The following MMP16 variants were observed in gnomAD, a reference collection of about 807,000 sequenced individuals.
MMP16 encodes matrix metallopeptidase 16.
In MMP16, 12 loss-of-function variants were observed where a neutral mutation model predicts 67.8. The ratio of observed to expected loss-of-function variants is 0.18; its 90% confidence interval spans 0.11 to 0.29. The LOEUF (loss-of-function observed/expected upper bound fraction) is 0.29, where lower values mean the gene tolerates loss of function less well. Among genes scored for constraint, MMP16 ranks in the 10% least tolerant of loss-of-function variants. The pLI, the probability that MMP16 is intolerant of heterozygous loss-of-function variation, is 1.00. For synonymous variants in MMP16, 249 were observed against 255.9 expected, an observed-to-expected ratio of 0.97 and a Z score of 0.26; for missense variants, 475 against 765.7, an observed-to-expected ratio of 0.62 and a Z score of 4.48.
chr8:88,291,565 G>T (rs1179395495), intron 1 of MMP16, among the ~76,000 whole-genome samples: 16 of 152,122 alleles, frequency 1.1e-4, no homozygotes, highest in Admixed American at 1.0e-3. Flanking sequence ...AGTAAACTCA[G>T]TGTCTTCAAG....
intron 5 of MMP16, 87 bp from the exon 6 acceptor site, chr8:88,116,805 C>T: frequency 8.6e-7 from 1 of 1,166,808 alleles, no homozygotes; most frequent in Non-Finnish European, 1.3e-6. Context: ...CACTTATCAG[C>T]AGAAGGCACA....
At chr8:88,077,708 C>T (rs1393983506) in intron 6 of MMP16, among the ~76,000 whole-genome samples, 1 of 152,086 alleles carries the variant, frequency 6.6e-6, no homozygotes, top group Non-Finnish European at 1.5e-5. Flanking sequence ...AAGTAATGAT[C>T]CTTTAGAAGA....
intron 1 of MMP16, among the ~76,000 whole-genome samples, chr8:88,228,272 T>C (rs568286255): frequency 6.6e-6 from 1 of 152,092 alleles, no homozygotes; most frequent in African/African-American, 2.4e-5. Flanking sequence ...GAGATTATTA[T>C]AAGAAAATAA....
intron 6 of MMP16, among the ~76,000 whole-genome samples, chr8:88,113,036 T>C (rs1290006441): frequency 2.0e-5 from 3 of 151,842 alleles, no homozygotes; most frequent in Non-Finnish European, 4.4e-5. Context: ...TTAGGCTGAC[T>C]ATCATCGTAT....
intron 1 of MMP16, among the ~76,000 whole-genome samples, chr8:88,323,603 C>A (rs989707195): frequency 6.6e-6 from 1 of 151,968 alleles, no homozygotes; most frequent in Non-Finnish European, 1.5e-5. Context: ...TATTTTACCA[C>A]TAAATCAGCT....
chr8:88,209,278 C>T (rs1031498876), intron 1 of MMP16, among the ~76,000 whole-genome samples: 6 of 152,092 alleles, frequency 3.9e-5, no homozygotes, highest in Middle Eastern at 3.2e-3. Flanking sequence ...CTTCCTCCTC[C>T]TCCACATACT....
chr8:88,286,593 T>A (rs1048769369), intron 1 of MMP16, among the ~76,000 whole-genome samples: 1 of 143,576 alleles, frequency 7.0e-6, no homozygotes, highest in Non-Finnish European at 1.5e-5. Context: ...TTTTTTTTTT[T>A]AAGATGGAGT....
intron 9 of MMP16, among the ~76,000 whole-genome samples, chr8:88,045,084 A>G (rs748266713): frequency 2.0e-5 from 3 of 151,906 alleles, no homozygotes; most frequent in African/African-American, 4.8e-5. Flanking sequence ...TGGTCTTTTA[A>G]TTTTCTGAGC....
At chr8:88,264,658 T>G (rs1210043203) in intron 1 of MMP16, among the ~76,000 whole-genome samples, 1 of 152,304 alleles carries the variant, frequency 6.6e-6, no homozygotes, top group African/African-American at 2.4e-5. Context: ...AAATGATCAT[T>G]TGAAATATGA....
At chr8:88,257,729 G>C (rs1810325504) in intron 1 of MMP16, among the ~76,000 whole-genome samples, 1 of 152,128 alleles carries the variant, frequency 6.6e-6, no homozygotes, top group South Asian at 2.1e-4. Context: ...CTGACTAAAT[G>C]AACAAATATC....
rs1003885850 is a variant in MMP16, at chr8:88,092,085, G to A, written c.1084-17342C>T. ...AAATGTTGAGTGACATAATTCTAAG[G>A]CATTAGTGTTTCTAGAGTCAGTCTT... On this transcript the variant is annotated intron_variant, in intron 6 of 9. Coordinates refer to ENST00000286614, the MANE Select transcript of MMP16 (RefSeq NM_005941.5). 3.3e-5 allele frequency among the ~76,000 whole-genome samples: 5 copies of A among 151,830 alleles called. 1 individual carries two copies. The South Asian group carries it at 8.3e-4, about 25-fold the overall frequency.
intron 1 of MMP16, among the ~76,000 whole-genome samples, chr8:88,209,166 T>C (rs1809475597): frequency 6.6e-6 from 1 of 151,922 alleles, no homozygotes; most frequent in Non-Finnish European, 1.5e-5. Flanking sequence ...AATTAAAAAA[T>C]GTATTTCTGT....
intron 4 of MMP16, among the ~76,000 whole-genome samples, chr8:88,130,556 A>G (rs1283074983): frequency 1.3e-5 from 2 of 151,756 alleles, no homozygotes; most frequent in Non-Finnish European, 2.9e-5. Flanking sequence ...TCATATTTAA[A>G]TTATTTCAGT....
At chr8:88,247,975 T>C (rs1317627439) in intron 1 of MMP16, among the ~76,000 whole-genome samples, 1 of 151,958 alleles carries the variant, frequency 6.6e-6, no homozygotes, top group Non-Finnish European at 1.5e-5. Flanking sequence ...CCAGACCAAG[T>C]GAATTTGAAT....
At chr8:88,304,236 A>G (rs868647106) in intron 1 of MMP16, among the ~76,000 whole-genome samples, 3 of 152,214 alleles carry the variant, frequency 2.0e-5, no homozygotes, top group Admixed American at 2.0e-4. Context: ...ATAGGCAGAC[A>G]AGAAGAGAGA....
chr8:88,265,154 G>A (rs1415026629), intron 1 of MMP16, among the ~76,000 whole-genome samples: 1 of 147,648 alleles, frequency 6.8e-6, no homozygotes, highest in Non-Finnish European at 1.5e-5. Context: ...ATGCACCTGA[G>A]TATTGATTCT....
intron 1 of MMP16, among the ~76,000 whole-genome samples, chr8:88,311,603 T>C (rs1464376423): frequency 6.6e-6 from 1 of 152,198 alleles, no homozygotes. Flanking sequence ...TTATGACATG[T>C]CATTTTTAAT....
intron 4 of MMP16, among the ~76,000 whole-genome samples, chr8:88,121,373 T>A (rs1367353915): frequency 2.6e-5 from 4 of 151,992 alleles, no homozygotes; most frequent in Non-Finnish European, 5.9e-5. Flanking sequence ...TAATTACCAT[T>A]CTTCAGATGA....
chr8:88,088,712 G>C, intron 6 of MMP16, among the ~76,000 whole-genome samples: 1 of 152,154 alleles, frequency 6.6e-6, no homozygotes, highest in Non-Finnish European at 1.5e-5. Flanking sequence ...TAAATAAAGA[G>C]TTCAAAAGGT....
Sources: allele counts gnomAD v4.1 joint callset (sites outside exome capture counted in the v4.1 genomes callset), GRCh38; gene constraint gnomAD v4.1.1; transcripts MANE v1.5; gene names NCBI Gene and HGNC (gene_info 2026-07-23, HGNC 2026-07-21).